Variants in LRIF1 observed in about 807,000 individuals in gnomAD.
LRIF1 encodes the protein ligand-dependent nuclear receptor-interacting factor 1.
Under a neutral mutation model 52.7 loss-of-function variants are expected in LRIF1, and 32 were observed. The observed-to-expected ratio is 0.61, with a 90% CI of 0.46 to 0.82. The LOEUF (loss-of-function observed/expected upper bound fraction) is 0.82, where lower values mean the gene tolerates loss of function less well. Among genes scored for constraint, LRIF1 ranks in the 40% least tolerant of loss-of-function variants. LRIF1 has a pLI of 0.00. For synonymous variants in LRIF1, 323 were observed against 317.4 expected, an observed-to-expected ratio of 1.02 and a Z score of -0.19; for missense variants, 887 against 892.0, an observed-to-expected ratio of 0.99 and a Z score of 0.07.
the LRIF1 span, among the ~76,000 whole-genome samples, chr1:110,885,295 A>C: frequency 6.6e-6 from 1 of 152,256 alleles, no homozygotes; most frequent in Admixed American, 6.5e-5. Flanking sequence ...TCACGCCTGT[A>C]ATCCCAGCAC....
At position 110,954,605 on chromosome 1, in the gene LRIF1, T is replaced by C. The variant is rs148170185; in HGVS notation, c.69-1790A>G. Among the ~76,000 whole-genome samples the C allele has an allele frequency of 4.7e-3, 720 of 152,260 alleles. 8 individuals carry two copies. The highest frequency in any genetic ancestry group is 0.017 in the African/African-American group (696 of 41,540). On this transcript the variant is annotated intron_variant, in intron 1 of 3. Coordinates refer to ENST00000369763, the MANE Select transcript of LRIF1 (RefSeq NM_018372.4). Reference sequence around the variant, plus strand: ...TTTTAAGAGGAAAAATCTACCTTTATTACCTCCCTGCACCACAAGAAAAGC... The same window carrying C: ...TTTTAAGAGGAAAAATCTACCTTTACTACCTCCCTGCACCACAAGAAAAGC...
intron 1 of LRIF1, among the ~76,000 whole-genome samples, chr1:110,953,840 G>A (rs1352476305): frequency 6.6e-6 from 1 of 152,112 alleles, no homozygotes; most frequent in Non-Finnish European, 1.5e-5. Flanking sequence ...TTTCTCAAGA[G>A]ATACATTTTC....
chr1:110,888,624 T>G, the LRIF1 span, among the ~76,000 whole-genome samples: 1 of 152,350 alleles, frequency 6.6e-6, no homozygotes. Context: ...TGATTTTATA[T>G]TTTTACGTTA....
At chr1:110,944,638 G>C (rs1570935378), downstream of LRIF1, 2 of 152,260 alleles carry the variant, frequency 1.3e-5, no homozygotes. Context: ...TGGTCTTTCA[G>C]AAGTGAAATG....
the LRIF1 span, among the ~76,000 whole-genome samples, chr1:110,903,067 G>A: frequency 5.9e-5 from 9 of 152,324 alleles, 2 homozygotes; most frequent in South Asian, 1.5e-3. Context: ...CATGGAGGGA[G>A]CATTTAAATC....
chr1:110,886,722 G>A, the LRIF1 span, among the ~76,000 whole-genome samples: 1 of 151,278 alleles, frequency 6.6e-6, no homozygotes, highest in Non-Finnish European at 1.5e-5. Flanking sequence ...GGTGGCACGT[G>A]CTGTGGTCCC....
At chr1:110,915,520 T>A in the LRIF1 span, among the ~76,000 whole-genome samples, 1 of 101,486 alleles carries the variant, frequency 9.9e-6, no homozygotes, top group African/African-American at 4.6e-5. Context: ...TAAATAAATT[T>A]ACTTACTATG....
the LRIF1 span, among the ~76,000 whole-genome samples, chr1:110,935,208 A>C: frequency 6.6e-6 from 1 of 152,226 alleles, no homozygotes; most frequent in Non-Finnish European, 1.5e-5. Flanking sequence ...CTTTCCCAAA[A>C]AGGACAGGTA....
At chr1:110,891,407 G>T in the LRIF1 span, 1 of 1,612,342 alleles carries the variant, frequency 6.2e-7, no homozygotes, top group Non-Finnish European at 8.5e-7. Context: ...GAATATCACG[G>T]CATGGGCATG....
At chr1:110,893,472 G>A in the LRIF1 span, among the ~76,000 whole-genome samples, 2 of 152,078 alleles carry the variant, frequency 1.3e-5, no homozygotes, top group African/African-American at 2.4e-5. Flanking sequence ...ACAGTCATGC[G>A]CCACCATGTC....
chr1:110,958,960 T>A (rs1469487050), intron 1 of LRIF1, among the ~76,000 whole-genome samples: 1 of 152,196 alleles, frequency 6.6e-6, no homozygotes, highest in Non-Finnish European at 1.5e-5. Context: ...TTCGTACTCC[T>A]TCTATCAATA....
At chr1:110,891,295 C>T in the LRIF1 span, 1 of 868,718 alleles carries the variant, frequency 1.2e-6, no homozygotes, top group Non-Finnish European at 1.9e-6. Flanking sequence ...CAGCTCAAAC[C>T]CAAGGTAATG....
At chr1:110,913,046 G>T in the LRIF1 span, among the ~76,000 whole-genome samples, 81,646 of 151,858 alleles carry the variant, frequency 0.54, 22,592 homozygotes, top group East Asian at 0.69. Context: ...ACCATCTGAT[G>T]TTTGACAATA....
the LRIF1 span, among the ~76,000 whole-genome samples, chr1:110,931,458 T>C: frequency 3.3e-5 from 5 of 152,210 alleles, no homozygotes; most frequent in Non-Finnish European, 7.3e-5. Flanking sequence ...TGTGCATGTG[T>C]CTTTATAGTA....
At chr1:110,958,436 TTAATC>T (rs1460999812) in intron 1 of LRIF1, among the ~76,000 whole-genome samples, 2 of 137,190 alleles carry the variant, frequency 1.5e-5, no homozygotes, top group Non-Finnish European at 3.1e-5. Context: ...TTTATTGACT[TTAATC>T]TATTAGCTAA....
At chr1:110,909,897 T>C in the LRIF1 span, among the ~76,000 whole-genome samples, 1 of 152,080 alleles carries the variant, frequency 6.6e-6, no homozygotes, top group Admixed American at 6.6e-5. Context: ...GCTATTCTTA[T>C]ATCAGACAAA....
chr1:110,939,182 T>A, the LRIF1 span: 7 of 152,002 alleles, frequency 4.6e-5, no homozygotes, highest in Admixed American at 3.9e-4. Context: ...ATCGAGACCA[T>A]CTTGGCTAAC....
intron 1 of LRIF1, among the ~76,000 whole-genome samples, chr1:110,956,699 A>G (rs1340847258): frequency 2.0e-5 from 3 of 152,224 alleles, no homozygotes; most frequent in Non-Finnish European, 4.4e-5. Context: ...TCTGTAATAA[A>G]GATGAGGTGA....
the LRIF1 span, among the ~76,000 whole-genome samples, chr1:110,890,017 AC>A: frequency 6.6e-6 from 1 of 152,212 alleles, no homozygotes; most frequent in East Asian, 1.9e-4. Flanking sequence ...AGAGAAATTC[AC>A]TTTATTGTGG....
Sources: allele counts gnomAD v4.1 joint callset (sites outside exome capture counted in the v4.1 genomes callset), GRCh38; gene constraint gnomAD v4.1.1; transcripts MANE v1.5; gene names NCBI Gene and HGNC (gene_info 2026-07-23, HGNC 2026-07-21).